The following EDIL3 variants were observed in gnomAD, a reference collection of about 807,000 sequenced individuals.
EDIL3 encodes EGF-like repeat and discoidin I-like domain-containing protein 3.
EDIL3 carries 37 observed loss-of-function variants against 67.4 expected under a neutral mutation model. That is an observed-to-expected ratio of 0.55 (90% CI 0.42 to 0.72). EDIL3 has a LOEUF of 0.72. Among genes scored for constraint, EDIL3 ranks in the 30% least tolerant of loss-of-function variants. EDIL3 has a pLI of 0.00. For missense variants in EDIL3, 527 were observed against 586.3 expected, an observed-to-expected ratio of 0.90 and a Z score of 1.04; for synonymous variants, 195 against 196.3, an observed-to-expected ratio of 0.99 and a Z score of 0.05.
chr5:84,025,173 C>T (rs757870747), intron 9 of EDIL3, among the ~76,000 whole-genome samples: 35 of 152,166 alleles, frequency 2.3e-4, no homozygotes, highest in Non-Finnish European at 4.1e-4. Flanking sequence ...TCTCTCTAAA[C>T]ATCAGCTTCT....
At chr5:84,382,541 G>A (rs929986550) in intron 1 of EDIL3, among the ~76,000 whole-genome samples, 4 of 152,196 alleles carry the variant, frequency 2.6e-5, no homozygotes, top group Non-Finnish European at 5.9e-5. Context: ...GTGAGTGGGT[G>A]AGTGTGTTTT....
intron 10 of EDIL3, among the ~76,000 whole-genome samples, chr5:83,961,844 C>T (rs1561386481): frequency 6.6e-6 from 1 of 151,226 alleles, no homozygotes. Flanking sequence ...CAGTTTAAGA[C>T]GTCATTGATT....
chr5:84,121,305 T>A (rs988707002), intron 5 of EDIL3, among the ~76,000 whole-genome samples: 1 of 152,002 alleles, frequency 6.6e-6, no homozygotes, highest in African/African-American at 2.4e-5. Context: ...TTAAGTGAAG[T>A]TGTGAATAAA....
chr5:84,112,561 T>C (rs2112289458), intron 5 of EDIL3, among the ~76,000 whole-genome samples: 1 of 152,320 alleles, frequency 6.6e-6, no homozygotes, highest in Admixed American at 6.5e-5. Context: ...TCTGCTTGTC[T>C]TACCTTCCTT....
chr5:84,249,656 C>T (rs890152099), intron 2 of EDIL3, among the ~76,000 whole-genome samples: 4 of 151,884 alleles, frequency 2.6e-5, no homozygotes, highest in Non-Finnish European at 4.4e-5. Context: ...CCTTTGATTA[C>T]GTTAATATAC....
intron 10 of EDIL3, among the ~76,000 whole-genome samples, chr5:83,946,803 A>C (rs1465241635): frequency 6.6e-6 from 1 of 151,882 alleles, no homozygotes; most frequent in Non-Finnish European, 1.5e-5. Flanking sequence ...TAGGACTCTA[A>C]ATATCAAAGA....
intron 4 of EDIL3, among the ~76,000 whole-genome samples, chr5:84,140,555 T>C (rs1370958884): frequency 6.6e-6 from 1 of 152,048 alleles, no homozygotes; most frequent in Non-Finnish European, 1.5e-5. Context: ...ATTAAGGACA[T>C]CCGATTCTAA....
intron 9 of EDIL3, among the ~76,000 whole-genome samples, chr5:84,041,147 A>C (rs1480606033): frequency 2.0e-5 from 3 of 149,296 alleles, no homozygotes; most frequent in Non-Finnish European, 3.0e-5. Flanking sequence ...AAAAAAAAAA[A>C]CACAAAACAA....
rs570707295 is a variant in EDIL3 at position 84,250,654 on chromosome 5, G to T, written c.196+3430C>A. On this transcript the variant is annotated intron_variant, in intron 2 of 10. Transcript: ENST00000296591. ...TCATGAAATGTTTTTCTCTAAGCAT[G>T]CATTTGAAATTCTCCTTTCCAGATG... is the stretch of plus-strand genomic sequence containing the variant. Among the ~76,000 whole-genome samples the T allele has an allele frequency of 1.3e-5, 2 of 152,272 alleles. 1 individual carries two copies.
At chr5:84,104,356 C>T (rs1747420403) in intron 6 of EDIL3, among the ~76,000 whole-genome samples, 1 of 151,138 alleles carries the variant, frequency 6.6e-6, no homozygotes, top group Admixed American at 6.6e-5. Flanking sequence ...ATATAACAAA[C>T]CTGCACATGT....
At chr5:84,016,798 G>A (rs1433126415) in intron 9 of EDIL3, among the ~76,000 whole-genome samples, 3 of 152,110 alleles carry the variant, frequency 2.0e-5, no homozygotes, top group Admixed American at 6.6e-5. Context: ...AAACACTCCT[G>A]GTTCCAAGTG....
chr5:84,322,447 G>A (rs1248598415), intron 1 of EDIL3, among the ~76,000 whole-genome samples: 2 of 152,066 alleles, frequency 1.3e-5, no homozygotes, highest in African/African-American at 2.4e-5. Flanking sequence ...TTCATTAGAA[G>A]TATCCAATGG....
At chr5:84,176,200 TATATATATA>T (rs1561453759) in intron 4 of EDIL3, among the ~76,000 whole-genome samples, 12 of 4,724 alleles carry the variant, frequency 2.5e-3, no homozygotes, top group Admixed American at 6.5e-3. Flanking sequence ...ATATATATAA[TATATATATA>T]TATATATATA....
At chr5:84,276,297 G>A (rs1171307183) in intron 1 of EDIL3, among the ~76,000 whole-genome samples, 1 of 152,146 alleles carries the variant, frequency 6.6e-6, no homozygotes, top group Non-Finnish European at 1.5e-5. Context: ...TGGTGTGAGA[G>A]TGTGCCTAAA....
rs144344642 is a variant in EDIL3, at chr5:84,258,970, C to CTT, written c.68-4760_68-4759dup. 1.8e-3 allele frequency among the ~76,000 whole-genome samples: 143 copies of CTT among 77,894 alleles called. 1 individual carries two copies. Among genetic ancestry groups the CTT allele is most frequent in the Non-Finnish European group, 2.3e-3 (99 of 43,214 alleles). 51.1% of individuals were successfully genotyped at this position (77,894 alleles called of 152,430 possible). A position where few individuals can be genotyped will look rare whatever the true frequency, so the allele number is the denominator to read the frequency against. ...TTCCCAGTGGATATGTTCGTAGAGTCTTTTTTTTTTTTTTTTTTTTTTGAG... is the reference window on the plus strand; with the variant it reads ...TTCCCAGTGGATATGTTCGTAGAGTCTTTTTTTTTTTTTTTTTTTTTTTTGAG... On this transcript the variant is annotated intron_variant, in intron 1 of 10. Transcript: ENST00000296591.
chr5:84,354,933 C>G (rs1057410679), intron 1 of EDIL3, among the ~76,000 whole-genome samples: 27 of 152,038 alleles, frequency 1.8e-4, no homozygotes, highest in Non-Finnish European at 7.4e-5. Context: ...CTTCATTTCA[C>G]CCTTGGTGAA....
At position 83,943,201 on chromosome 5, in the gene EDIL3, A is replaced by C; in HGVS notation, c.*218T>G. On this transcript the variant is annotated 3_prime_UTR_variant, in exon 11 of 11. Transcript: ENST00000296591. ...AGTAATTCACACTTAATGTGTTGTT[A>C]CTTAAGAGATTTGACGGATAAAATA... 1.9e-6 allele frequency: 1 copy of C among 537,134 alleles called. No individual in the cohort carries two copies. The highest frequency in any genetic ancestry group is 3.4e-5 in the East Asian group (1 of 29,766). The allele number at this position is 537,134 out of a possible 1,614,324, so 33.3% of individuals were successfully genotyped here.
intron 9 of EDIL3, among the ~76,000 whole-genome samples, chr5:83,963,589 G>C (rs1369853617): frequency 6.6e-6 from 1 of 150,724 alleles, no homozygotes; most frequent in African/African-American, 2.4e-5. Flanking sequence ...CCATTTTGAA[G>C]TCAAATCATG....
At chr5:84,016,839 C>CT (rs745744335) in intron 9 of EDIL3, among the ~76,000 whole-genome samples, 26 of 152,106 alleles carry the variant, frequency 1.7e-4, no homozygotes, top group South Asian at 4.1e-4. Context: ...CTCTGCCTGG[C>CT]TTAATTGAGT....
Sources: allele counts gnomAD v4.1 joint callset (sites outside exome capture counted in the v4.1 genomes callset), GRCh38; gene constraint gnomAD v4.1.1; transcripts MANE v1.5; gene names NCBI Gene and HGNC (gene_info 2026-07-23, HGNC 2026-07-21).